Variants in PLCG2 observed in about 807,000 individuals in gnomAD.
The protein encoded by PLCG2 is 1-phosphatidylinositol 4,5-bisphosphate phosphodiesterase gamma-2.
A neutral mutation model predicts 175.6 loss-of-function variants in PLCG2; 69 were observed. That is an observed-to-expected ratio of 0.39 (90% CI 0.32 to 0.48). The LOEUF is 0.48. PLCG2 is among the 20% of genes least tolerant of loss of function. The pLI is 0.91. For missense variants in PLCG2, 1,798 were observed against 1,650.9 expected, an observed-to-expected ratio of 1.09 and a Z score of -1.54; for synonymous variants, 827 against 624.0, an observed-to-expected ratio of 1.33 and a Z score of -4.85.
chr16:81,745,151 A>G (rs1000185174), intron 1 of PLCG2, among the ~76,000 whole-genome samples: 2 of 152,206 alleles, frequency 1.3e-5, no homozygotes, highest in Non-Finnish European at 2.9e-5. Flanking sequence ...GGGCTGAACT[A>G]GAAAAGGTTG....
chr16:81,847,685 A>G (rs547012060), intron 2 of PLCG2, among the ~76,000 whole-genome samples: 30 of 152,350 alleles, frequency 2.0e-4, no homozygotes, highest in African/African-American at 7.0e-4. Flanking sequence ...AGAAAATTGC[A>G]TCTTACTGAA....
intron 3 of PLCG2, among the ~76,000 whole-genome samples, chr16:81,855,192 C>CA (rs35058756): frequency 0.33 from 33,474 of 102,612 alleles, 4,350 homozygotes; most frequent in Middle Eastern, 0.38. Context: ...GACTCTGTCT[C>CA]AAAAAAAAAA....
intron 12 of PLCG2, among the ~76,000 whole-genome samples, chr16:81,895,118 C>T (rs370877909): frequency 6.6e-5 from 10 of 152,238 alleles, no homozygotes; most frequent in African/African-American, 2.2e-4. Flanking sequence ...TCATCTTCCA[C>T]ATGACCCATT....
At chr16:81,780,366 G>C (rs1910674874) in intron 1 of PLCG2, among the ~76,000 whole-genome samples, 1 of 152,194 alleles carries the variant, frequency 6.6e-6, no homozygotes, top group African/African-American at 2.4e-5. Flanking sequence ...CTGAGAATCG[G>C]GGCGCATCCA....
intron 2 of PLCG2, among the ~76,000 whole-genome samples, chr16:81,815,886 C>T (rs1178770824): frequency 1.3e-5 from 2 of 151,254 alleles, no homozygotes. Context: ...CATTGTGAAA[C>T]CCCGTTTTTT....
At chr16:81,817,474 C>G (rs1008886836) in intron 2 of PLCG2, among the ~76,000 whole-genome samples, 10 of 152,188 alleles carry the variant, frequency 6.6e-5, no homozygotes, top group African/African-American at 2.2e-4. Flanking sequence ...GGGTGCTGCG[C>G]AAGGCACTAG....
intron 2 of PLCG2, among the ~76,000 whole-genome samples, chr16:81,769,775 C>A (rs1377006591): frequency 2.1e-5 from 3 of 141,382 alleles, no homozygotes; most frequent in South Asian, 2.2e-4. Flanking sequence ...AGCCGAGATC[C>A]CGCCACTGCA....
At chr16:81,877,973 ATTTTTTTTTTTT>A (rs71146052) in intron 7 of PLCG2, among the ~76,000 whole-genome samples, 1 of 55,762 alleles carries the variant, frequency 1.8e-5, no homozygotes, top group African/African-American at 8.2e-5. Flanking sequence ...TTTTTTTTTA[ATTTTTTTTTTTT>A]TTTTTTTTTT....
rs374203663 is a variant in PLCG2 at position 81,904,457 on chromosome 16, T to C, written c.1363-946T>C. Among the ~76,000 whole-genome samples the C allele has an allele frequency of 2.6e-5, 4 of 152,334 alleles. No homozygotes were observed. The South Asian group carries it at 8.3e-4, about 32-fold the overall frequency. The stretch of plus-strand genomic sequence containing the variant: ...GTCATCACTGTCTTAATCTTGCAGA[T>C]GAGAAGCCTGAGGCTCAGAGAAGTG... On this transcript the variant is annotated intron_variant, in intron 14 of 32. Coordinates refer to ENST00000564138, the MANE Select transcript of PLCG2 (RefSeq NM_002661.5).
intron 5 of PLCG2, among the ~76,000 whole-genome samples, chr16:81,863,885 T>G (rs1220570674): frequency 1.3e-5 from 2 of 152,148 alleles, no homozygotes; most frequent in Non-Finnish European, 2.9e-5. Flanking sequence ...GGAAGGCAGG[T>G]GGGTGAGTCC....
At chr16:81,860,144 T>TATG (rs1418066646) in intron 5 of PLCG2, among the ~76,000 whole-genome samples, 1 of 81,052 alleles carries the variant, frequency 1.2e-5, no homozygotes, top group African/African-American at 4.4e-5. Context: ...GCTTATTTAC[T>TATG]ATTATTATTA....
At chr16:81,785,209 G>A (rs1007529121) in intron 1 of PLCG2, among the ~76,000 whole-genome samples, 28 of 152,150 alleles carry the variant, frequency 1.8e-4, no homozygotes. Flanking sequence ...CCACCCACAA[G>A]CATAAACAGC....
intron 28 of PLCG2, 128 bp downstream of exon 28, chr16:81,938,031 C>A: frequency 1.3e-6 from 1 of 776,012 alleles, no homozygotes. Context: ...GATCCCCATT[C>A]AGGCAGTGTT....
intron 22 of PLCG2, 121 bp downstream of exon 22, chr16:81,923,715 CTTGTG>C (rs1226355874): frequency 1.7e-6 from 1 of 605,124 alleles, no homozygotes; most frequent in African/African-American, 1.8e-5. Flanking sequence ...GCTTTGACCT[CTTGTG>C]TTAAGTCCCT....
chr16:81,831,675 A>G (rs753652787), intron 2 of PLCG2, among the ~76,000 whole-genome samples: 4 of 152,208 alleles, frequency 2.6e-5, no homozygotes, highest in Non-Finnish European at 5.9e-5. Flanking sequence ...AGTGGGACTC[A>G]GATCCTTGTG....
intron 27 of PLCG2, 134 bp downstream of exon 27, chr16:81,936,512 G>A (rs766092150): frequency 2.8e-6 from 2 of 705,758 alleles, no homozygotes; most frequent in Non-Finnish European, 4.9e-6. Flanking sequence ...GCACGGTTCA[G>A]CAGAGTAATG....
chr16:81,740,896 C>CT (rs1909579437), intron 1 of PLCG2, among the ~76,000 whole-genome samples: 1 of 152,184 alleles, frequency 6.6e-6, no homozygotes, highest in Admixed American at 6.5e-5. Context: ...TCTTGAGTCC[C>CT]TGGATTCACC....
At chr16:81,868,158 C>A (rs1238563069) in intron 5 of PLCG2, among the ~76,000 whole-genome samples, 1 of 152,226 alleles carries the variant, frequency 6.6e-6, no homozygotes, top group African/African-American at 2.4e-5. Context: ...ACACCCCACC[C>A]TTGGCTGTTC....
At chr16:81,926,567 C>T (rs1324090272) in intron 22 of PLCG2, among the ~76,000 whole-genome samples, 9 of 152,178 alleles carry the variant, frequency 5.9e-5, no homozygotes, top group African/African-American at 2.2e-4. Flanking sequence ...ACTAGGTAGG[C>T]GCTGTCCCAA....
Sources: allele counts gnomAD v4.1 joint callset (sites outside exome capture counted in the v4.1 genomes callset), GRCh38; gene constraint gnomAD v4.1.1; transcripts MANE v1.5; gene names NCBI Gene and HGNC (gene_info 2026-07-23, HGNC 2026-07-21).